The following RCC2 variants were observed in gnomAD, a reference collection of about 807,000 sequenced individuals.
RCC2 encodes the protein protein RCC2.
A neutral mutation model predicts 64.1 loss-of-function variants in RCC2; 19 were observed. That is an observed-to-expected ratio of 0.30 (90% CI 0.21 to 0.44). The LOEUF (loss-of-function observed/expected upper bound fraction) is 0.44, where lower values mean the gene tolerates loss of function less well. Among genes scored for constraint, RCC2 ranks in the 20% least tolerant of loss-of-function variants. The pLI is 1.00. For missense variants in RCC2, 508 were observed against 710.4 expected, an observed-to-expected ratio of 0.72 and a Z score of 3.24; for synonymous variants, 325 against 279.6, an observed-to-expected ratio of 1.16 and a Z score of -1.62.
chr1:17,409,895 G>A (rs1246256107), intron 12 of RCC2, 79 bp downstream of exon 12: 4 of 1,232,804 alleles, frequency 3.2e-6, no homozygotes, highest in Non-Finnish European at 3.6e-6. Flanking sequence ...CAAACAGACT[G>A]CGATGATCAA....
At chr1:17,430,315 G>C (rs568090140) in intron 2 of RCC2, among the ~76,000 whole-genome samples, 1 of 152,046 alleles carries the variant, frequency 6.6e-6, no homozygotes, top group African/African-American at 2.4e-5. Flanking sequence ...TTGGAGACCA[G>C]GCTGGGCAAC....
At chr1:17,421,234 G>A (rs2075552605) in intron 6 of RCC2, among the ~76,000 whole-genome samples, 1 of 151,632 alleles carries the variant, frequency 6.6e-6, no homozygotes, top group Non-Finnish European at 1.5e-5. Flanking sequence ...CCTGGGCGCG[G>A]TGGCTCACAC....
intron 8 of RCC2, 130 bp from the exon 9 acceptor site, chr1:17,413,847 T>G: frequency 1.2e-6 from 1 of 851,416 alleles, no homozygotes. Context: ...CAAGATCCCC[T>G]ACCAGCCGGG....
chr1:17,438,420 G>C lies in RCC2; in HGVS notation c.95C>G (p.Ala32Gly), dbSNP rs761411194. The C allele has an allele frequency of 3.9e-6, 5 of 1,272,988 alleles. No homozygotes were observed. The highest frequency in any genetic ancestry group is 4.9e-6 in the Non-Finnish European group (5 of 1,013,572). The allele number at this position is 1,272,988 out of a possible 1,614,324, so 78.9% of individuals were successfully genotyped here. ...CTCGGGCCGCTCGCGCTTCCTGCCCGCCGGGCCGCCGCGTTTCCTGGGCCC... is the reference window on the plus strand; with the variant it reads ...CTCGGGCCGCTCGCGCTTCCTGCCCCCCGGGCCGCCGCGTTTCCTGGGCCC... ...RAGPRKRGGP[A>G]GRKRERPERC... Residue 32 changes from alanine to glycine, a missense_variant, in exon 2 of 13, where the codon GCG (alanine) becomes GGG (glycine). Transcript: ENST00000375436.
Position 17,422,249 on chromosome 1 carries a change from T to G in RCC2, c.698A>C (p.Gln233Pro). 1 of 1,612,208 alleles carries G rather than the reference T, an allele frequency of 6.2e-7. No individual in the cohort carries two copies. The highest frequency in any genetic ancestry group is 8.5e-7 in the Non-Finnish European group (1 of 1,179,888). ...GTCTGTCTGGTTGCCAAGGCCCAGC[T>G]GCCCCATCTTGTTTTCCCCAAACGC... is the stretch of plus-strand genomic sequence containing the variant. ...VFAFGENKMG[Q>P]LGLGNQTDAV... The change falls in exon 6 of 13, where the codon CAG (glutamine) becomes CCG (proline). Residue 233 changes from glutamine to proline, a missense_variant. Transcript: ENST00000375436.
intron 2 of RCC2, 75 bp downstream of exon 2, chr1:17,438,147 CGGCTGGAA>C (rs1176426539): frequency 9.7e-7 from 1 of 1,028,194 alleles, no homozygotes; most frequent in African/African-American, 1.7e-5. Context: ...AGGCGGCCCC[CGGCTGGAA>C]CGCGCGCCGT....
At chr1:17,417,562 A>G (rs1274761702) in intron 7 of RCC2, among the ~76,000 whole-genome samples, 1 of 152,176 alleles carries the variant, frequency 6.6e-6, no homozygotes, top group Non-Finnish European at 1.5e-5. Context: ...GGGTGCCTAT[A>G]GTCCAGCTAC....
intron 2 of RCC2, among the ~76,000 whole-genome samples, chr1:17,435,600 G>C (rs1236348243): frequency 6.6e-6 from 1 of 152,238 alleles, no homozygotes; most frequent in Non-Finnish European, 1.5e-5. Context: ...GAAAGGCAAT[G>C]GGGCTGCATG....
intron 4 of RCC2, among the ~76,000 whole-genome samples, chr1:17,423,639 G>A (rs1046900648): frequency 6.6e-6 from 1 of 152,254 alleles, no homozygotes; most frequent in African/African-American, 2.4e-5. Flanking sequence ...ACCGCATCTA[G>A]GTTTCAACAC....
At chr1:17,419,018 G>A (rs1445601118) in intron 7 of RCC2, among the ~76,000 whole-genome samples, 1 of 152,150 alleles carries the variant, frequency 6.6e-6, no homozygotes, top group Non-Finnish European at 1.5e-5. Context: ...CGAACAGCGG[G>A]CTTCCCTGTC....
chr1:17,412,436 C>A lies in RCC2; in HGVS notation c.1314-242G>T, dbSNP rs1027063487. Reference sequence around the variant, plus strand: ...AGGCCTAGGGGCCAAAGGCAGGGGACCTTGCTGTGCATCCTGCACAGCTCT... The same window carrying A: ...AGGCCTAGGGGCCAAAGGCAGGGGAACTTGCTGTGCATCCTGCACAGCTCT... On this transcript the variant is annotated intron_variant, in intron 10 of 12. Coordinates refer to ENST00000375436, the MANE Select transcript of RCC2 (RefSeq NM_018715.4). Among the ~76,000 whole-genome samples the A allele has an allele frequency of 5.3e-5, 8 of 152,192 alleles. 2 individuals carry two copies. Among genetic ancestry groups the A allele is most frequent in the Admixed American group, 5.2e-4 (8 of 15,278 alleles).
chr1:17,412,116 G>C lies in RCC2; in HGVS notation c.1386+6C>G. 1 of 1,614,062 alleles carries C rather than the reference G, an allele frequency of 6.2e-7. No homozygotes were observed. Among genetic ancestry groups the C allele is most frequent in the East Asian group, 2.2e-5 (1 of 44,882 alleles). ...CTTCCCCTGACCCGCACAGGTGACA[G>C]CTTACCAGTTCCCCAAAGGTCGGTG... On this transcript the variant is annotated splice_donor_region_variant and intron_variant, in intron 11 of 12. Transcript: ENST00000375436.
At chr1:17,435,277 G>A (rs142273414) in intron 2 of RCC2, among the ~76,000 whole-genome samples, 3 of 152,330 alleles carry the variant, frequency 2.0e-5, no homozygotes, top group African/African-American at 7.2e-5. Context: ...CCTCAACAAT[G>A]TAAGTATTTG....
chr1:17,420,577 A>C (rs918339256), intron 7 of RCC2, 137 bp downstream of exon 7: 1 of 511,356 alleles, frequency 2.0e-6, no homozygotes, highest in Non-Finnish European at 3.5e-6. Flanking sequence ...TGAACGTGAG[A>C]TCCACTTAAC....
In RCC2 at chr1:17,422,157, T is replaced by C. The variant is rs1259394599; in HGVS notation, c.744+46A>G. The C allele has an allele frequency of 4.3e-6, 6 of 1,392,986 alleles. No homozygotes were observed. The African/African-American group carries it at 7.3e-5, about 17-fold the overall frequency. 86.3% of individuals were successfully genotyped at this position (1,392,986 alleles called of 1,614,324 possible). On this transcript the variant is annotated intron_variant, in intron 6 of 12. Coordinates refer to ENST00000375436, the MANE Select transcript of RCC2 (RefSeq NM_018715.4). ...CACCTTAGAAAATCAAACACAAAAG[T>C]AAAGAGAAACAAAAAGCCATGGAGC...
At chr1:17,409,600 G>A (rs1030381100) in intron 12 of RCC2, among the ~76,000 whole-genome samples, 17 of 152,224 alleles carry the variant, frequency 1.1e-4, no homozygotes, top group African/African-American at 2.4e-5. Flanking sequence ...GCCTCACCCC[G>A]CCATCTGACT....
intron 3 of RCC2, 56 bp downstream of exon 3, chr1:17,429,050 A>G (rs1323089345): frequency 7.2e-7 from 1 of 1,385,600 alleles, no homozygotes; most frequent in African/African-American, 1.4e-5. Flanking sequence ...CAGGTGGTCA[A>G]CAGAACCTAG....
At chr1:17,433,979 T>C (rs1311640638) in intron 2 of RCC2, among the ~76,000 whole-genome samples, 3 of 152,158 alleles carry the variant, frequency 2.0e-5, no homozygotes, top group Admixed American at 6.5e-5. Flanking sequence ...CACAAAACCT[T>C]GGCAACCCAA....
At chr1:17,422,876 G>C in intron 4 of RCC2, 40 bp from the exon 5 acceptor site, 1 of 1,612,388 alleles carries the variant, frequency 6.2e-7, no homozygotes, top group Non-Finnish European at 8.5e-7. Context: ...GAGAGAGGGT[G>C]GTCCAGGCGG....
Sources: gnomAD v4.1 joint callset for allele counts (sites outside exome capture counted in the v4.1 genomes callset) on GRCh38, gnomAD v4.1.1 for gene constraint, MANE v1.5 for transcripts, NCBI Gene and HGNC (gene_info 2026-07-23, HGNC 2026-07-21) for gene names.